The following RIC1 variants were observed in gnomAD, a reference collection of about 807,000 sequenced individuals.
RIC1 encodes guanine nucleotide exchange factor subunit RIC1.
RIC1 carries 88 observed loss-of-function variants against 169.0 expected under a neutral mutation model. The ratio of observed to expected loss-of-function variants is 0.52; its 90% CI spans 0.44 to 0.62. The LOEUF (loss-of-function observed/expected upper bound fraction) is 0.62, where lower values mean the gene tolerates loss of function less well. Among genes scored for constraint, RIC1 ranks in the 20% least tolerant of loss-of-function variants. RIC1 has a pLI of 0.00. For synonymous variants in RIC1, 790 were observed against 601.5 expected, an observed-to-expected ratio of 1.31 and a Z score of -4.59; for missense variants, 1,877 against 1,725.5, an observed-to-expected ratio of 1.09 and a Z score of -1.56.
intron 1 of RIC1, among the ~76,000 whole-genome samples, chr9:5,631,547 C>T (rs1563855176): frequency 6.6e-6 from 1 of 151,992 alleles, no homozygotes; most frequent in South Asian, 2.1e-4. Flanking sequence ...AATAGCTGGG[C>T]GTGGTGGTGC....
intron 6 of RIC1, among the ~76,000 whole-genome samples, chr9:5,721,839 C>G (rs931160813): frequency 1.3e-5 from 2 of 151,898 alleles, no homozygotes; most frequent in African/African-American, 4.8e-5. Context: ...AAATATCCTC[C>G]CAGCTTTTTC....
intron 12 of RIC1, among the ~76,000 whole-genome samples, chr9:5,752,455 T>C (rs1288473488): frequency 2.0e-5 from 3 of 151,888 alleles, no homozygotes; most frequent in Non-Finnish European, 4.4e-5. Context: ...TTTTTTTTTT[T>C]TGGAGACGGA....
intron 10 of RIC1, 67 bp downstream of exon 10, chr9:5,743,804 C>A: frequency 8.4e-7 from 1 of 1,188,482 alleles, no homozygotes; most frequent in Non-Finnish European, 1.2e-6. Context: ...CCTTTTTTCA[C>A]TCATTTTTAT....
At chr9:5,695,543 T>C (rs1821841538) in intron 3 of RIC1, among the ~76,000 whole-genome samples, 1 of 151,784 alleles carries the variant, frequency 6.6e-6, no homozygotes, top group South Asian at 2.1e-4. Flanking sequence ...TTAGGTCTTG[T>C]CACTTTTCTC....
At chr9:5,679,873 C>G (rs1820706543) in intron 2 of RIC1, among the ~76,000 whole-genome samples, 1 of 152,090 alleles carries the variant, frequency 6.6e-6, no homozygotes, top group Admixed American at 6.5e-5. Flanking sequence ...ACTTCCAACA[C>G]TATGTTGAAT....
chr9:5,755,670 C>G (rs575760427), intron 15 of RIC1, among the ~76,000 whole-genome samples: 2 of 152,274 alleles, frequency 1.3e-5, no homozygotes, highest in African/African-American at 4.8e-5. Flanking sequence ...TGCCTGTAAT[C>G]CAAGCACTTT....
At chr9:5,712,770 C>G (rs1482215895) in intron 3 of RIC1, 2 of 152,190 alleles carry the variant, frequency 1.3e-5, no homozygotes, top group Non-Finnish European at 2.9e-5. Flanking sequence ...CTCCTATAAA[C>G]TAATTACTTT....
At chr9:5,675,222 G>A (rs188848321) in intron 2 of RIC1, among the ~76,000 whole-genome samples, 59 of 152,264 alleles carry the variant, frequency 3.9e-4, no homozygotes, top group Non-Finnish European at 7.2e-4. Flanking sequence ...TGGTTTGGCG[G>A]GAAAAATGGT....
downstream of RIC1, among the ~76,000 whole-genome samples, chr9:5,777,704 C>A (rs1473141981): frequency 6.6e-6 from 1 of 152,118 alleles, no homozygotes; most frequent in African/African-American, 2.4e-5. Flanking sequence ...TGACTTCGTT[C>A]TTCTAACGTG....
At chr9:5,715,589 T>G (rs1823184738) in intron 4 of RIC1, among the ~76,000 whole-genome samples, 2 of 152,156 alleles carry the variant, frequency 1.3e-5, no homozygotes, top group South Asian at 2.1e-4. Flanking sequence ...CCAATTATTT[T>G]CCCTCCTGTC....
At position 5,649,351 on chromosome 9, in the gene RIC1, T is replaced by C. The variant is rs770957369; in HGVS notation, c.145-7232T>C. ...CACCAAAAATTCAAATAGATCACTT[T>C]ATGGTGTCCCATATGTCATGTAGGC... is the stretch of plus-strand genomic sequence containing the variant. On this transcript the variant is annotated intron_variant, in intron 1 of 25. Transcript: ENST00000414202. Among the ~76,000 whole-genome samples, 13 of 152,314 alleles carry C rather than the reference T, an allele frequency of 8.5e-5. No individual in the cohort carries two copies. The South Asian group carries it at 1.0e-3, about 12-fold the overall frequency.
Position 5,753,770 on chromosome 9 carries a change from T to TA in RIC1, c.1602+130dup, listed in dbSNP as rs1825851103. The TA allele has an allele frequency of 2.5e-5, 12 of 474,644 alleles. No homozygotes were observed. The South Asian group carries it at 6.0e-4, about 24-fold the overall frequency. 29.4% of individuals were successfully genotyped at this position (474,644 alleles called of 1,614,324 possible). A position where few individuals can be genotyped will look rare whatever the true frequency, so the allele number is the denominator to read the frequency against. ...TATTAAAAATAAGGAAAATCAGATA[T>TA]AAAAAAGTGATATTGAATAATATGT... On this transcript the variant is annotated intron_variant, in intron 14 of 25. Coordinates refer to ENST00000414202, the MANE Select transcript of RIC1 (RefSeq NM_020829.4).
chr9:5,757,718 T>C (rs527533199), intron 17 of RIC1, among the ~76,000 whole-genome samples: 10 of 152,342 alleles, frequency 6.6e-5, no homozygotes, highest in South Asian at 4.1e-4. Context: ...AAACCTGTTA[T>C]AGTCTGAACA....
At chr9:5,726,039 G>T (rs1485530212) in intron 6 of RIC1, among the ~76,000 whole-genome samples, 2 of 152,154 alleles carry the variant, frequency 1.3e-5, no homozygotes, top group East Asian at 3.8e-4. Flanking sequence ...GTTGATTTGG[G>T]GTGGAGAGTT....
intron 6 of RIC1, among the ~76,000 whole-genome samples, chr9:5,732,068 T>C (rs1432147047): frequency 6.6e-6 from 1 of 152,244 alleles, no homozygotes; most frequent in Non-Finnish European, 1.5e-5. Flanking sequence ...TCAAAATGTT[T>C]ACATTCTAAC....
At chr9:5,727,147 G>A in intron 6 of RIC1, among the ~76,000 whole-genome samples, 1 of 152,182 alleles carries the variant, frequency 6.6e-6, no homozygotes, top group Non-Finnish European at 1.5e-5. Context: ...CCTGCAGAGT[G>A]TTTTCCAACT....
At chr9:5,688,547 A>G (rs1208351234) in intron 2 of RIC1, among the ~76,000 whole-genome samples, 2 of 152,192 alleles carry the variant, frequency 1.3e-5, no homozygotes, top group African/African-American at 2.4e-5. Context: ...GCAAGAACAT[A>G]AAATTGCACA....
At chr9:5,647,716 C>A (rs1818586979) in intron 1 of RIC1, among the ~76,000 whole-genome samples, 1 of 152,090 alleles carries the variant, frequency 6.6e-6, no homozygotes, top group African/African-American at 2.4e-5. Context: ...TTATTCATTT[C>A]CAAGTTAGAT....
chr9:5,726,548 T>C (rs1210420325), intron 6 of RIC1, among the ~76,000 whole-genome samples: 1 of 152,244 alleles, frequency 6.6e-6, no homozygotes, highest in Non-Finnish European at 1.5e-5. Context: ...ATTTAGTCCA[T>C]TTACATTTAA....
Sources: allele counts gnomAD v4.1 joint callset (sites outside exome capture counted in the v4.1 genomes callset), GRCh38; gene constraint gnomAD v4.1.1; transcripts MANE v1.5; gene names NCBI Gene and HGNC (gene_info 2026-07-23, HGNC 2026-07-21).